The following DIP2C variants were observed in gnomAD, a reference collection of about 807,000 sequenced individuals.
DIP2C encodes DIP2 acetate--CoA ligase C (putative), also known as disco-interacting protein 2 homolog C.
DIP2C carries 33 observed loss-of-function variants against 192.4 expected under a neutral mutation model. The observed-to-expected ratio is 0.17, with a 90% CI of 0.13 to 0.23. DIP2C has a LOEUF of 0.23. Ranked by LOEUF, DIP2C falls within the 10% of genes least tolerant of loss-of-function variation. DIP2C has a pLI of 1.00. For synonymous variants in DIP2C, 979 were observed against 864.1 expected, an observed-to-expected ratio of 1.13 and a Z score of -2.33; for missense variants, 1,537 against 2,110.1, an observed-to-expected ratio of 0.73 and a Z score of 5.32.
At chr10:474,324 G>T (rs1970888858) in intron 2 of DIP2C, among the ~76,000 whole-genome samples, 1 of 152,170 alleles carries the variant, frequency 6.6e-6, no homozygotes, top group South Asian at 2.1e-4. Context: ...GCTTTTCAAT[G>T]ATTCTGGAGT....
rs566633379 is a variant in DIP2C, at chr10:534,099, C to T, written c.86-47569G>A. On this transcript the variant is annotated intron_variant, in intron 1 of 36. Transcript: ENST00000280886. ...GGTCAACTGGGACGAGGAGCCCCTCCTGCGGATGCAGCAGAGGCCGCCCCC... is the reference window on the plus strand; with the variant it reads ...GGTCAACTGGGACGAGGAGCCCCTCTTGCGGATGCAGCAGAGGCCGCCCCC... 6.6e-5 allele frequency among the ~76,000 whole-genome samples: 10 copies of T among 152,342 alleles called. No homozygotes were observed. The South Asian group carries it at 1.0e-3, about 16-fold the overall frequency.
chr10:416,583 C>T (rs1443664344), intron 6 of DIP2C, among the ~76,000 whole-genome samples: 4 of 152,192 alleles, frequency 2.6e-5, no homozygotes, highest in Admixed American at 2.0e-4. Context: ...TAGCCCCTAC[C>T]TATCCAAGTG....
intron 1 of DIP2C, among the ~76,000 whole-genome samples, chr10:610,051 C>G (rs1444729992): frequency 6.6e-6 from 1 of 152,164 alleles, no homozygotes; most frequent in African/African-American, 2.4e-5. Context: ...GCACCGTCCA[C>G]AGCAGCCAAG....
At chr10:532,961 T>G (rs551303924) in intron 1 of DIP2C, among the ~76,000 whole-genome samples, 9 of 152,276 alleles carry the variant, frequency 5.9e-5, no homozygotes, top group African/African-American at 1.9e-4. Context: ...TACTTAATTT[T>G]TTGTAGCATC....
intron 17 of DIP2C, among the ~76,000 whole-genome samples, chr10:378,454 C>G (rs1378541535): frequency 1.3e-5 from 2 of 152,146 alleles, no homozygotes; most frequent in Non-Finnish European, 2.9e-5. Flanking sequence ...GACACGTGAA[C>G]ACAAACATGC....
At chr10:335,453 T>A (rs1300052093) in intron 29 of DIP2C, among the ~76,000 whole-genome samples, 3 of 152,236 alleles carry the variant, frequency 2.0e-5, no homozygotes, top group African/African-American at 7.2e-5. Flanking sequence ...TCTCTAGCCA[T>A]CCCCAATTAC....
At chr10:688,923 T>A (rs1400618254) in intron 1 of DIP2C, among the ~76,000 whole-genome samples, 1 of 151,856 alleles carries the variant, frequency 6.6e-6, no homozygotes, top group East Asian at 2.0e-4. Flanking sequence ...CCAGGACCGC[T>A]GCACGGCCTG....
At chr10:477,005 A>G (rs149806668) in intron 2 of DIP2C, among the ~76,000 whole-genome samples, 28 of 54,388 alleles carry the variant, frequency 5.1e-4, no homozygotes, top group African/African-American at 2.1e-3. Context: ...AGAGGGCTGG[A>G]ACATTTCCAT....
chr10:461,434 AAAG>A, intron 3 of DIP2C, among the ~76,000 whole-genome samples: 1 of 152,220 alleles, frequency 6.6e-6, no homozygotes, highest in Non-Finnish European at 1.5e-5. Context: ...CAAAAAAGAC[AAAG>A]AAGGGCATTA....
At position 501,738 on chromosome 10, in the gene DIP2C, G is replaced by A. The variant is rs142292812; in HGVS notation, c.86-15208C>T. Among the ~76,000 whole-genome samples the A allele has an allele frequency of 7.4e-4, 113 of 152,194 alleles. 1 individual carries two copies. The East Asian group carries it at 0.01, about 14-fold the overall frequency. ...ACATTGAATTCAACACATAGGCACC[G>A]CAATATCCATTCATTCAGGAATATG... On this transcript the variant is annotated intron_variant, in intron 1 of 36. Coordinates refer to ENST00000280886, the MANE Select transcript of DIP2C (RefSeq NM_014974.3).
At chr10:628,766 G>A (rs927205210) in intron 1 of DIP2C, 6 of 152,412 alleles carry the variant, frequency 3.9e-5, no homozygotes, top group African/African-American at 7.2e-5. Flanking sequence ...AGCTGGCCTC[G>A]GGGAACCGGA....
intron 12 of DIP2C, 42 bp from the exon 13 acceptor site, chr10:390,135 C>A: frequency 1.3e-6 from 2 of 1,599,934 alleles, no homozygotes; most frequent in South Asian, 2.2e-5. Flanking sequence ...GCTGACAGGT[C>A]ACGGCAGTTT....
chr10:319,436 C>T lies in DIP2C; in HGVS notation c.3924+7570G>A, dbSNP rs188481185. Among the ~76,000 whole-genome samples, 36 of 152,156 alleles carry T rather than the reference C, an allele frequency of 2.4e-4. No individual in the cohort carries two copies. The East Asian group carries it at 5.0e-3, about 21-fold the overall frequency. ...GTTTTTTTCCTAATAAATAAACAAC[C>T]GCGGTCTCTTTTGGAAAACAGAAGA... On this transcript the variant is annotated intron_variant, in intron 31 of 36. Transcript: ENST00000280886.
intron 1 of DIP2C, among the ~76,000 whole-genome samples, chr10:594,385 G>T (rs1230153044): frequency 6.6e-6 from 1 of 152,002 alleles, no homozygotes; most frequent in Non-Finnish European, 1.5e-5. Flanking sequence ...AGGGAACATG[G>T]CCAAGTACAA....
At chr10:378,702 A>C (rs1019995895) in intron 17 of DIP2C, among the ~76,000 whole-genome samples, 3 of 151,344 alleles carry the variant, frequency 2.0e-5, no homozygotes, top group Non-Finnish European at 4.4e-5. Flanking sequence ...TACACACATG[A>C]ACAGATATGC....
chr10:617,004 G>A (rs1228306545), intron 1 of DIP2C, among the ~76,000 whole-genome samples: 2 of 152,092 alleles, frequency 1.3e-5, no homozygotes, highest in Non-Finnish European at 2.9e-5. Flanking sequence ...AGCCAGGGAG[G>A]GACTGAGATT....
At chr10:512,167 CTTT>C (rs1462565686) in intron 1 of DIP2C, among the ~76,000 whole-genome samples, 1 of 152,176 alleles carries the variant, frequency 6.6e-6, no homozygotes, top group South Asian at 2.1e-4. Context: ...ACCTATACTT[CTTT>C]GTTTCTGTCT....
chr10:481,376 C>A (rs982766465), intron 2 of DIP2C, among the ~76,000 whole-genome samples: 2 of 152,226 alleles, frequency 1.3e-5, no homozygotes, highest in Non-Finnish European at 1.5e-5. Flanking sequence ...GTGGGAGAAT[C>A]TGCAACGGGA....
intron 1 of DIP2C, among the ~76,000 whole-genome samples, chr10:679,475 C>CATCT (rs1564336467): frequency 1.2e-5 from 1 of 81,490 alleles, no homozygotes; most frequent in Non-Finnish European, 2.5e-5. Flanking sequence ...TCCCCACACC[C>CATCT]CTGCTCCCCA....
Sources: allele counts gnomAD v4.1 joint callset (sites outside exome capture counted in the v4.1 genomes callset), GRCh38; gene constraint gnomAD v4.1.1; transcripts MANE v1.5; gene names NCBI Gene and HGNC (gene_info 2026-07-23, HGNC 2026-07-21).